Variants in UBE2E2 observed in about 807,000 individuals in gnomAD.
UBE2E2 encodes ubiquitin-conjugating enzyme E2 E2.
In UBE2E2, 6 loss-of-function variants were observed where a neutral mutation model predicts 24.7. The ratio of observed to expected loss-of-function variants is 0.24; its 90% CI spans 0.13 to 0.48. The LOEUF (loss-of-function observed/expected upper bound fraction) is 0.48, where lower values mean the gene tolerates loss of function less well. Ranked by LOEUF, UBE2E2 falls within the 20% of genes least tolerant of loss-of-function variation. The pLI, the probability that UBE2E2 is intolerant of heterozygous loss-of-function variation, is 0.99. For synonymous variants in UBE2E2, 104 were observed against 83.6 expected, an observed-to-expected ratio of 1.24 and a Z score of -1.33; for missense variants, 169 against 245.0, an observed-to-expected ratio of 0.69 and a Z score of 2.07.
intron 3 of UBE2E2, among the ~76,000 whole-genome samples, chr3:23,244,114 A>G (rs1559453607): frequency 7.6e-6 from 1 of 131,774 alleles, no homozygotes; most frequent in African/African-American, 2.9e-5. Flanking sequence ...AGGAAGAAAA[A>G]TGTACCCTGC....
chr3:23,464,634 T>C (rs1165580969), intron 3 of UBE2E2, among the ~76,000 whole-genome samples: 1 of 152,190 alleles, frequency 6.6e-6, no homozygotes, highest in African/African-American at 2.4e-5. Context: ...TTTAATTATG[T>C]AGTACCTATT....
At chr3:23,527,019 G>A (rs778137654) in intron 4 of UBE2E2, among the ~76,000 whole-genome samples, 4 of 152,126 alleles carry the variant, frequency 2.6e-5, no homozygotes, top group Non-Finnish European at 5.9e-5. Flanking sequence ...CAAAAGATGT[G>A]ACAAACTGTA....
At chr3:23,571,463 T>C (rs1057182212) in intron 5 of UBE2E2, among the ~76,000 whole-genome samples, 3 of 151,400 alleles carry the variant, frequency 2.0e-5, no homozygotes, top group Non-Finnish European at 2.9e-5. Flanking sequence ...CTAATTTTTG[T>C]ATTTTTAGTA....
intron 3 of UBE2E2, among the ~76,000 whole-genome samples, chr3:23,291,890 G>T (rs546825402): frequency 2.6e-3 from 278 of 107,586 alleles, no homozygotes; most frequent in Middle Eastern, 0.017. Flanking sequence ...ACAGAGTCTC[G>T]CTCTTTGGCC....
chr3:23,356,244 G>C (rs1575583246), intron 3 of UBE2E2, among the ~76,000 whole-genome samples: 1 of 152,182 alleles, frequency 6.6e-6, no homozygotes, highest in South Asian at 2.1e-4. Context: ...ATTGAATTTA[G>C]ATGATCAAGA....
intron 3 of UBE2E2, among the ~76,000 whole-genome samples, chr3:23,490,153 C>T (rs927550602): frequency 8.5e-5 from 13 of 152,302 alleles, no homozygotes; most frequent in Middle Eastern, 6.8e-3. Context: ...CTAATGCTTG[C>T]TTGCTTCTGT....
intron 5 of UBE2E2, among the ~76,000 whole-genome samples, chr3:23,557,528 C>A (rs1695819857): frequency 6.6e-6 from 1 of 152,132 alleles, no homozygotes; most frequent in Non-Finnish European, 1.5e-5. Context: ...TTTAGATACA[C>A]CAGTTCACTT....
chr3:23,520,379 A>G (rs549212664), intron 4 of UBE2E2, among the ~76,000 whole-genome samples: 1 of 152,310 alleles, frequency 6.6e-6, no homozygotes, highest in South Asian at 2.1e-4. Context: ...TTTAATTATT[A>G]CTATTATTTT....
intron 3 of UBE2E2, among the ~76,000 whole-genome samples, chr3:23,360,284 G>A (rs935479334): frequency 2.6e-5 from 4 of 151,882 alleles, no homozygotes; most frequent in South Asian, 2.1e-4. Context: ...AGAAAAATTC[G>A]TTTTAAAAAA....
At chr3:23,511,662 G>A (rs1694596566) in intron 4 of UBE2E2, among the ~76,000 whole-genome samples, 1 of 152,142 alleles carries the variant, frequency 6.6e-6, no homozygotes, top group Non-Finnish European at 1.5e-5. Flanking sequence ...TTTTCCAAAA[G>A]AAAAGAATGA....
chr3:23,213,879 T>G (rs1194677665), intron 2 of UBE2E2, among the ~76,000 whole-genome samples: 1 of 152,182 alleles, frequency 6.6e-6, no homozygotes, highest in Non-Finnish European at 1.5e-5. Flanking sequence ...AAGTGTGAAT[T>G]ATTGATACTT....
intron 4 of UBE2E2, among the ~76,000 whole-genome samples, chr3:23,530,132 A>G (rs1695088505): frequency 6.6e-6 from 1 of 152,222 alleles, no homozygotes; most frequent in Non-Finnish European, 1.5e-5. Flanking sequence ...TATGGTCTTA[A>G]TAATGTCAAT....
intron 5 of UBE2E2, among the ~76,000 whole-genome samples, chr3:23,540,060 ATTAT>A (rs1553619259): frequency 6.6e-6 from 1 of 151,778 alleles, no homozygotes; most frequent in Non-Finnish European, 1.5e-5. Context: ...TTTTTTGTTT[ATTAT>A]TTATTTATTT....
chr3:23,243,943 C>T (rs538579163), intron 3 of UBE2E2, among the ~76,000 whole-genome samples: 12 of 151,908 alleles, frequency 7.9e-5, no homozygotes, highest in South Asian at 2.1e-4. Context: ...TTTTCACACT[C>T]GGGAGTTTTA....
At chr3:23,403,977 C>T (rs939435424) in intron 3 of UBE2E2, among the ~76,000 whole-genome samples, 1 of 152,148 alleles carries the variant, frequency 6.6e-6, no homozygotes, top group Non-Finnish European at 1.5e-5. Context: ...TTGCCTTCTT[C>T]TTCCTGTCTT....
chr3:23,357,524 A>T (rs1054879937), intron 3 of UBE2E2, among the ~76,000 whole-genome samples: 6 of 151,966 alleles, frequency 3.9e-5, no homozygotes, highest in Non-Finnish European at 7.4e-5. Context: ...GCATTTTTTT[A>T]AATAATCCTA....
intron 5 of UBE2E2, among the ~76,000 whole-genome samples, chr3:23,559,613 C>T (rs375546976): frequency 2.0e-5 from 3 of 152,274 alleles, no homozygotes; most frequent in Middle Eastern, 3.4e-3. Flanking sequence ...CCTCCCTCCC[C>T]CACTCCTTTC....
chr3:23,224,543 A>ACAGCTTC (rs1351918330), intron 3 of UBE2E2, among the ~76,000 whole-genome samples: 2 of 105,862 alleles, frequency 1.9e-5, no homozygotes, highest in East Asian at 6.4e-4. Flanking sequence ...GACAGTTCTA[A>ACAGCTTC]CAGCTTTTTT....
At chr3:23,532,807 A>G (rs767993960) in intron 5 of UBE2E2, 106 bp downstream of exon 5, 6 of 1,044,198 alleles carry the variant, frequency 5.7e-6, no homozygotes, top group Non-Finnish European at 6.5e-6. Context: ...CACTGCTTCT[A>G]CTACTATTAT....
Sources: allele counts gnomAD v4.1 joint callset (sites outside exome capture counted in the v4.1 genomes callset), GRCh38; gene constraint gnomAD v4.1.1; transcripts MANE v1.5; gene names NCBI Gene and HGNC (gene_info 2026-07-23, HGNC 2026-07-21).